Variants in BPTF observed in about 807,000 individuals in gnomAD.
BPTF encodes the protein bromodomain PHD finger transcription factor.
BPTF carries 18 observed loss-of-function variants against 292.5 expected under a neutral mutation model. The observed-to-expected ratio is 0.06, with a 90% CI of 0.04 to 0.09. The LOEUF (loss-of-function observed/expected upper bound fraction) is 0.09. Among genes scored for constraint, BPTF ranks in the 10% least tolerant of loss-of-function variants. The pLI, the probability that BPTF is intolerant of heterozygous loss-of-function variation, is 1.00. For missense variants in BPTF, 2,726 were observed against 3,498.7 expected (o/e 0.78, Z 5.57); for synonymous variants, 1,225 against 1,251.9 (o/e 0.98, Z 0.45).
Position 67,912,011 on chromosome 17 carries a change from G to C in BPTF, c.4127G>C (p.Ser1376Thr). 6.2e-7 allele frequency: 1 copy of C among 1,613,528 alleles called. No homozygotes were observed. Among genetic ancestry groups the C allele is most frequent in the Non-Finnish European group, 8.5e-7 (1 of 1,179,886 alleles). ...GAGGAGAGACCAGTTAATAAATGTA[G>C]TGATCAAATAAAGCTAAAAAATACC... ...KLEERPVNKC[S>T]DQIKLKNTTD... The change falls in exon 11 of 28, where the codon AGT becomes ACT. Residue 1376 changes from serine to threonine, a missense_variant. Ser to Thr is a moderately conservative substitution (Grantham distance 58). Coordinates refer to ENST00000306378, the MANE Select transcript of BPTF (RefSeq NM_182641.4).
chr17:67,942,189 G>A (rs1490145990), intron 19 of BPTF, among the ~76,000 whole-genome samples: 2 of 152,008 alleles, frequency 1.3e-5, no homozygotes, highest in African/African-American at 2.4e-5. Context: ...GGTGGTGTAC[G>A]CCTGTAATCC....
At chr17:67,878,444 C>T (rs2060180018) in intron 4 of BPTF, among the ~76,000 whole-genome samples, 1 of 152,134 alleles carries the variant, frequency 6.6e-6, no homozygotes. Flanking sequence ...GGTTTATGCT[C>T]ATCTTTGGTA....
intron 13 of BPTF, among the ~76,000 whole-genome samples, chr17:67,921,209 CAA>C (rs60707445): frequency 0.12 from 5,786 of 49,294 alleles, 461 homozygotes; most frequent in African/African-American, 0.26. Context: ...GAATCCGTGT[CAA>C]AAAAAAAAAA....
At chr17:67,947,021 T>C (rs1170434603) in intron 21 of BPTF, among the ~76,000 whole-genome samples, 1 of 152,238 alleles carries the variant, frequency 6.6e-6, no homozygotes, top group African/African-American at 2.4e-5. Flanking sequence ...AGACCTTCAT[T>C]CAGTTCCTAG....
intron 7 of BPTF, among the ~76,000 whole-genome samples, chr17:67,903,466 T>C (rs2061984744): frequency 6.6e-6 from 1 of 152,258 alleles, no homozygotes; most frequent in Admixed American, 6.5e-5. Context: ...CACTAAAAAG[T>C]ACATATGTGT....
In BPTF at chr17:67,912,785, A is replaced by T; in HGVS notation, c.4901A>T (p.Lys1634Met). The change falls in exon 11 of 28, where the codon AAG becomes ATG. Residue 1634 changes from lysine (K) to methionine (M), a missense_variant. Physicochemically the swap from Lys to Met is moderately conservative, Grantham distance 95 (BLOSUM62 -1). Around this residue, in one of 22 missense-constraint regions of BPTF, gnomAD observed 144 missense variants for 177.2 expected, o/e 0.81. Coordinates refer to ENST00000306378, the MANE Select transcript of BPTF (RefSeq NM_182641.4). The part of the protein sequence containing the change: ...TVTTTTTTVT[K>M]LSTPSTGGSV... ...ACAACCACCACTACAACAGTGACCAAGCTTTCCACACCCTCCACAGGCGGC... is the reference window on the plus strand; with the variant it reads ...ACAACCACCACTACAACAGTGACCATGCTTTCCACACCCTCCACAGGCGGC... The T allele has an allele frequency of 1.2e-6, 2 of 1,614,178 alleles. No homozygotes were observed. The highest frequency in any genetic ancestry group is 2.2e-5 in the East Asian group (1 of 44,888).
In BPTF at chr17:67,911,008, A is replaced by T. The variant is rs2062619605; in HGVS notation, c.3124A>T (p.Ser1042Cys). 1.9e-6 allele frequency: 3 copies of T among 1,612,850 alleles called. No homozygotes were observed. Among genetic ancestry groups the T allele is most frequent in the Non-Finnish European group, 2.5e-6 (3 of 1,179,434 alleles). Residue 1042 changes from serine (S) to cysteine (C), a missense_variant, in exon 11 of 28, where the codon AGT (serine) becomes TGT (cysteine). Transcript: ENST00000306378. ...TTCTCAAGTAGATGTGGTCAATGTTAGTGAGGGTTTTCATCTAAGGACTAG... is the reference window on the plus strand; with the variant it reads ...TTCTCAAGTAGATGTGGTCAATGTTTGTGAGGGTTTTCATCTAAGGACTAG... ...ESSQVDVVNVSEGFHLRTSYK... is the reference protein window; with the variant it reads ...ESSQVDVVNVCEGFHLRTSYK...
chr17:67,893,882 T>G (rs2061279738), intron 6 of BPTF, 152 bp from the exon 7 acceptor site: 2 of 1,160,904 alleles, frequency 1.7e-6, no homozygotes, highest in Non-Finnish European at 2.5e-6. Context: ...TACTTCTAAC[T>G]TACTGAACCG....
chr17:67,911,480 G>A lies in BPTF; in HGVS notation c.3596G>A (p.Arg1199Lys). 2 of 1,614,034 alleles carry A rather than the reference G, an allele frequency of 1.2e-6. No individual in the cohort carries two copies. The highest frequency in any genetic ancestry group is 1.7e-6 in the Non-Finnish European group (2 of 1,179,994). The change falls in exon 11 of 28, where the codon AGA (arginine) becomes AAA (lysine). Residue 1199 changes from arginine (R) to lysine (K), a missense_variant. Physicochemically the swap from Arg to Lys is conservative, Grantham distance 26. Coordinates refer to ENST00000306378, the MANE Select transcript of BPTF (RefSeq NM_182641.4). ...GAAAAAGTCTCTGACCTTGCCAGTA[G>A]AGGCCAGGAACCCAGTAAGAGTAAA... ...IEEKVSDLAS[R>K]GQEPSKSKTK...
At chr17:67,858,148 C>T (rs1373712096) in intron 2 of BPTF, among the ~76,000 whole-genome samples, 2 of 152,164 alleles carry the variant, frequency 1.3e-5, no homozygotes, top group African/African-American at 2.4e-5. Flanking sequence ...AAATCTGTCA[C>T]CTTAACCCAG....
At chr17:67,838,132 A>G (rs2057275862) in intron 1 of BPTF, among the ~76,000 whole-genome samples, 1 of 152,254 alleles carries the variant, frequency 6.6e-6, no homozygotes, top group Admixed American at 6.5e-5. Context: ...ACAGCTGCTC[A>G]GCTCTGCCCT....
intron 4 of BPTF, among the ~76,000 whole-genome samples, chr17:67,887,226 A>G (rs1387099762): frequency 6.6e-6 from 1 of 152,194 alleles, no homozygotes; most frequent in Non-Finnish European, 1.5e-5. Flanking sequence ...TAAGTTTCTT[A>G]CATGTATTTG....
intron 4 of BPTF, among the ~76,000 whole-genome samples, chr17:67,876,258 A>G (rs562695015): frequency 1.3e-5 from 2 of 152,368 alleles, no homozygotes; most frequent in African/African-American, 4.8e-5. Flanking sequence ...TTCAGTTTTT[A>G]AAATTAAAGT....
chr17:67,842,091 C>T (rs1011800958), intron 1 of BPTF, among the ~76,000 whole-genome samples: 5 of 151,770 alleles, frequency 3.3e-5, no homozygotes, highest in African/African-American at 1.2e-4. Context: ...TTCTAGCGCC[C>T]CTCCCTTATG....
chr17:67,923,647 T>G (rs1209214385), intron 14 of BPTF, among the ~76,000 whole-genome samples: 2 of 150,254 alleles, frequency 1.3e-5, no homozygotes, highest in Admixed American at 6.7e-5. Context: ...GCCCGGCTGA[T>G]TTTTGTATTT....
intron 3 of BPTF, among the ~76,000 whole-genome samples, chr17:67,868,631 C>G (rs7213405): frequency 0.026 from 3,887 of 152,278 alleles, 189 homozygotes; most frequent in African/African-American, 0.088. Context: ...TCTGAAAGTA[C>G]ACTTTTAAGT....
intron 23 of BPTF, among the ~76,000 whole-genome samples, chr17:67,950,393 A>T (rs1033560538): frequency 3.9e-5 from 6 of 152,184 alleles, no homozygotes; most frequent in African/African-American, 1.4e-4. Context: ...TGATGCCAAC[A>T]ATCAACGTTA....
intron 1 of BPTF, 90 bp from the exon 2 acceptor site, chr17:67,853,850 T>C (rs1429808845): frequency 1.7e-5 from 15 of 894,938 alleles, no homozygotes; most frequent in Admixed American, 1.2e-4. Context: ...AATGTACTTA[T>C]GTATTTTAGG....
rs2055942553 is a variant in BPTF, at chr17:67,825,854, C to T, written c.130C>T (p.Arg44Cys). The T allele has an allele frequency of 2.0e-6, 2 of 1,014,136 alleles. No homozygotes were observed. Among genetic ancestry groups the T allele is most frequent in the Non-Finnish European group, 2.4e-6 (2 of 850,682 alleles). 62.8% of individuals were successfully genotyped at this position (1,014,136 alleles called of 1,614,324 possible). Residue 44 changes from arginine to cysteine, a missense_variant, in exon 1 of 28, where the codon CGC becomes TGC. Transcript: ENST00000306378. ...CATCGGGGGGCTCCGCTCGCGGCAC[C>T]GCGGCAGCAGCCGGGGCAGGTGGGC... The part of the protein sequence containing the change: ...GPIGGLRSRH[R>C]GSSRGRWAAA...
Sources: allele counts gnomAD v4.1 joint callset (sites outside exome capture counted in the v4.1 genomes callset), GRCh38; gene constraint gnomAD v4.1.1; regional missense constraint gnomAD v4.1.1; transcripts MANE v1.5; gene names NCBI Gene and HGNC (gene_info 2026-07-23, HGNC 2026-07-21).